SPATA17: variants seen among roughly 807,000 people sequenced by gnomAD.
The protein encoded by SPATA17 is spermatogenesis associated 17.
A neutral mutation model predicts 62.2 loss-of-function variants in SPATA17; 53 were observed. The ratio of observed to expected loss-of-function variants is 0.85; its 90% CI spans 0.68 to 1.07. The LOEUF (loss-of-function observed/expected upper bound fraction) is 1.07. SPATA17 is among the 50% of genes least tolerant of loss of function. The pLI is 0.00. For missense variants in SPATA17, 466 were observed against 425.5 expected (o/e 1.10, Z -0.84); for synonymous variants, 146 against 146.8 (o/e 0.99, Z 0.04).
rs919216829 is a variant in SPATA17 at position 217,804,185 on chromosome 1, G to T, written c.1005+2335G>T. Among the ~76,000 whole-genome samples, 3 of 152,112 alleles carry T rather than the reference G, an allele frequency of 2.0e-5. No individual in the cohort carries two copies. In the South Asian group the frequency reaches 6.2e-4, roughly 32 times the overall value. On this transcript the variant is annotated intron_variant, in intron 9 of 10. Coordinates refer to ENST00000366933, the MANE Select transcript of SPATA17 (RefSeq NM_138796.4). Reference sequence around the variant, plus strand: ...AAAGTCATAGTAATCAATACAACATGGTCCTAGCATAAAAAATAGACACAT... The same window carrying T: ...AAAGTCATAGTAATCAATACAACATTGTCCTAGCATAAAAAATAGACACAT...
chr1:217,683,089 T>G (rs537949451), intron 4 of SPATA17, among the ~76,000 whole-genome samples, 169 bp from the exon 5 acceptor site: 2 of 152,038 alleles, frequency 1.3e-5, no homozygotes, highest in African/African-American at 4.8e-5. Context: ...CATAAAAAAT[T>G]TATGAGCAGA....
rs985903096 is a variant in SPATA17 at position 217,797,566 on chromosome 1, T to C, written c.873-4152T>C. On this transcript the variant is annotated intron_variant, in intron 8 of 10. Coordinates refer to ENST00000366933, the MANE Select transcript of SPATA17 (RefSeq NM_138796.4). The stretch of plus-strand genomic sequence containing the variant: ...CACCCGGCCTAAATTTACTGCTTTC[T>C]ATATTATAATAATGGTTAAAATATT... 2.0e-5 allele frequency among the ~76,000 whole-genome samples: 3 copies of C among 152,296 alleles called. No individual in the cohort carries two copies. In the South Asian group the frequency reaches 6.2e-4, roughly 32 times the overall value.
At chr1:217,640,128 T>C (rs1481819975) in intron 1 of SPATA17, among the ~76,000 whole-genome samples, 1 of 151,398 alleles carries the variant, frequency 6.6e-6, no homozygotes, top group Non-Finnish European at 1.5e-5. Flanking sequence ...TCAGTCTATG[T>C]GCAGTTGTGT....
chr1:217,656,852 G>A (rs1670455538), intron 3 of SPATA17, among the ~76,000 whole-genome samples: 2 of 152,156 alleles, frequency 1.3e-5, no homozygotes, highest in Non-Finnish European at 1.5e-5. Flanking sequence ...CACTGCTATT[G>A]CTGTTATTAC....
At position 217,713,669 on chromosome 1, in the gene SPATA17, C is replaced by T. The variant is rs1204628851; in HGVS notation, c.396-28306C>T. 2.6e-5 allele frequency among the ~76,000 whole-genome samples: 4 copies of T among 152,200 alleles called. No homozygotes were observed. In the East Asian group the frequency reaches 7.7e-4, roughly 29 times the overall value. ...AGAAAGCACATCTTTGATCCCTCAC[C>T]TAAGAAATCGATGCTTGGATGCTGG... is the stretch of plus-strand genomic sequence containing the variant. On this transcript the variant is annotated intron_variant, in intron 5 of 10. Coordinates refer to ENST00000366933, the MANE Select transcript of SPATA17 (RefSeq NM_138796.4).
At chr1:217,816,156 G>A (rs1674712324) in intron 9 of SPATA17, among the ~76,000 whole-genome samples, 1 of 151,858 alleles carries the variant, frequency 6.6e-6, no homozygotes, top group Non-Finnish European at 1.5e-5. Context: ...AATATAGGGG[G>A]AATTGACTTT....
intron 10 of SPATA17, chr1:217,866,476 A>C (rs975675519): frequency 1.2e-4 from 18 of 152,136 alleles, no homozygotes; most frequent in Admixed American, 1.1e-3. Flanking sequence ...TGTTTTTTTC[A>C]GAGAGACAGG....
intron 3 of SPATA17, among the ~76,000 whole-genome samples, chr1:217,656,894 C>T (rs1259741805): frequency 1.3e-5 from 2 of 152,170 alleles, no homozygotes; most frequent in Non-Finnish European, 2.9e-5. Flanking sequence ...AGTTCAAACT[C>T]AGTTTGACCT....
Position 217,653,794 on chromosome 1 carries a change from A to G in SPATA17, c.240+2616A>G, listed in dbSNP as rs140688238. Among the ~76,000 whole-genome samples, 12 of 152,292 alleles carry G rather than the reference A, an allele frequency of 7.9e-5. No homozygotes were observed. In the East Asian group the frequency reaches 2.3e-3, roughly 29 times the overall value. Reference sequence around the variant, plus strand: ...AATTTGAATGCCAGGGATTTTGGTAATAACCTTTTATCTGGTATACATACG... The same window carrying G: ...AATTTGAATGCCAGGGATTTTGGTAGTAACCTTTTATCTGGTATACATACG... On this transcript the variant is annotated intron_variant, in intron 3 of 10. Coordinates refer to ENST00000366933, the MANE Select transcript of SPATA17 (RefSeq NM_138796.4).
intron 5 of SPATA17, among the ~76,000 whole-genome samples, chr1:217,702,324 A>C (rs893652636): frequency 6.6e-6 from 1 of 152,100 alleles, no homozygotes; most frequent in Non-Finnish European, 1.5e-5. Context: ...AATTTTTTAA[A>C]TTACCCATGC....
chr1:217,789,621 T>G (rs1213017643), intron 8 of SPATA17, among the ~76,000 whole-genome samples: 3 of 151,848 alleles, frequency 2.0e-5, no homozygotes, highest in Non-Finnish European at 2.9e-5. Context: ...TACATGGAGG[T>G]CACACATTAG....
chr1:217,815,644 C>G (rs1674693912), intron 9 of SPATA17, among the ~76,000 whole-genome samples: 1 of 152,096 alleles, frequency 6.6e-6, no homozygotes, highest in African/African-American at 2.4e-5. Context: ...GCTTAAGAAC[C>G]ATAATCAGTT....
chr1:217,855,838 T>C (rs1348712747), intron 9 of SPATA17, among the ~76,000 whole-genome samples: 1 of 151,542 alleles, frequency 6.6e-6, no homozygotes, highest in Non-Finnish European at 1.5e-5. Flanking sequence ...GCTATTCTCC[T>C]GCCTTAGCCT....
At chr1:217,640,481 CATCAAAATG>C (rs1670036628) in intron 1 of SPATA17, among the ~76,000 whole-genome samples, 1 of 152,078 alleles carries the variant, frequency 6.6e-6, no homozygotes, top group Non-Finnish European at 1.5e-5. Context: ...TTTTTAATAG[CATCAAAATG>C]CATGTCATTT....
chr1:217,770,112 A>T (rs1365195512), intron 6 of SPATA17, among the ~76,000 whole-genome samples: 1 of 152,204 alleles, frequency 6.6e-6, no homozygotes, highest in East Asian at 1.9e-4. Context: ...GTTATTAGAG[A>T]GAGATCTTTA....
At chr1:217,645,996 T>A (rs1670172811) in intron 1 of SPATA17, among the ~76,000 whole-genome samples, 1 of 152,170 alleles carries the variant, frequency 6.6e-6, no homozygotes, top group African/African-American at 2.4e-5. Flanking sequence ...TGTTATTTAG[T>A]ATCTTTTACT....
At chr1:217,834,597 A>G (rs1675219520) in intron 9 of SPATA17, among the ~76,000 whole-genome samples, 1 of 152,152 alleles carries the variant, frequency 6.6e-6, no homozygotes, top group Non-Finnish European at 1.5e-5. Context: ...TAAGGATATA[A>G]AGGAAAAATG....
At chr1:217,739,374 A>T (rs1441413598) in intron 5 of SPATA17, 2 of 152,212 alleles carry the variant, frequency 1.3e-5, no homozygotes, top group Non-Finnish European at 2.9e-5. Context: ...TTCTGCCATT[A>T]ACTTATTTGT....
intron 5 of SPATA17, among the ~76,000 whole-genome samples, chr1:217,729,240 A>G (rs1220110864): frequency 6.6e-6 from 1 of 152,166 alleles, no homozygotes; most frequent in Non-Finnish European, 1.5e-5. Flanking sequence ...CAATTCTTTG[A>G]ATTCATCCAA....
Sources: gnomAD v4.1 joint callset for allele counts (sites outside exome capture counted in the v4.1 genomes callset) on GRCh38, gnomAD v4.1.1 for gene constraint, MANE v1.5 for transcripts, NCBI Gene and HGNC (gene_info 2026-07-23, HGNC 2026-07-21) for gene names.